The following CDH18 variants were observed in gnomAD, a reference collection of about 807,000 sequenced individuals.
CDH18 encodes the protein cadherin 18, also known as cadherin-18.
Under a neutral mutation model 67.9 loss-of-function variants are expected in CDH18, and 31 were observed. The observed-to-expected ratio is 0.46, with a 90% CI of 0.34 to 0.62. CDH18 has a LOEUF of 0.62. Among genes scored for constraint, CDH18 ranks in the 20% least tolerant of loss-of-function variants. The pLI is 0.01. For missense variants in CDH18, 890 were observed against 975.5 expected (o/e 0.91, Z 1.17); for synonymous variants, 362 against 347.2 (o/e 1.04, Z -0.48).
chr5:20,233,412 T>C (rs1054419549), intron 2 of CDH18, among the ~76,000 whole-genome samples: 6 of 151,872 alleles, frequency 4.0e-5, no homozygotes, highest in African/African-American at 1.4e-4. Flanking sequence ...TATTACTCTG[T>C]CATATATAAT....
intron 2 of CDH18, among the ~76,000 whole-genome samples, chr5:19,978,743 G>A (rs1798737356): frequency 6.6e-6 from 1 of 152,086 alleles, no homozygotes; most frequent in Non-Finnish European, 1.5e-5. Flanking sequence ...AAATCAGACT[G>A]AGTCCTTCTC....
At chr5:20,202,437 T>C (rs549883889) in intron 2 of CDH18, among the ~76,000 whole-genome samples, 1 of 152,212 alleles carries the variant, frequency 6.6e-6, no homozygotes, top group South Asian at 2.1e-4. Flanking sequence ...TAGCTTTGTA[T>C]AGCTTTATAT....
intron 1 of CDH18, among the ~76,000 whole-genome samples, chr5:20,347,501 G>A (rs1174872021): frequency 6.6e-6 from 1 of 152,150 alleles, no homozygotes; most frequent in East Asian, 1.9e-4. Flanking sequence ...ACAGAGAGAG[G>A]CAATATTCAC....
intron 3 of CDH18, among the ~76,000 whole-genome samples, chr5:19,794,182 T>A (rs1258714649): frequency 1.3e-5 from 2 of 152,108 alleles, no homozygotes; most frequent in Non-Finnish European, 2.9e-5. Context: ...TTATGTATCA[T>A]CCTGACTGGG....
In CDH18 at chr5:20,284,614, T is replaced by C. The variant is rs188060928; in HGVS notation, c.-579-29109A>G. 5.5e-3 allele frequency among the ~76,000 whole-genome samples: 832 copies of C among 152,082 alleles called. 5 individuals carry two copies. The highest frequency in any genetic ancestry group is 9.0e-3 in the Non-Finnish European group (613 of 67,884). ...ATCAATAAACTTCTGCAGAAAAAACTGCATTTAATCCTGCACCTAAAACAC... is the reference window on the plus strand; with the variant it reads ...ATCAATAAACTTCTGCAGAAAAAACCGCATTTAATCCTGCACCTAAAACAC... On this transcript the variant is annotated intron_variant, in intron 1 of 14. Coordinates refer to the CDH18 transcript ENST00000507958.
At chr5:19,654,359 T>C (rs1756028876) in intron 5 of CDH18, among the ~76,000 whole-genome samples, 1 of 152,196 alleles carries the variant, frequency 6.6e-6, no homozygotes, top group South Asian at 2.1e-4. Context: ...ATATGTTATA[T>C]GCCAATATAT....
chr5:19,800,616 A>G (rs1316295617), intron 3 of CDH18, among the ~76,000 whole-genome samples: 2 of 152,210 alleles, frequency 1.3e-5, no homozygotes, highest in African/African-American at 2.4e-5. Flanking sequence ...GAACTATAAA[A>G]TTAAAGATAA....
intron 2 of CDH18, among the ~76,000 whole-genome samples, chr5:20,243,831 C>T (rs781762009): frequency 3.0e-4 from 45 of 152,054 alleles, no homozygotes; most frequent in Non-Finnish European, 5.1e-4. Context: ...GGCACTAGCT[C>T]AAGGATTGGC....
intron 8 of CDH18, among the ~76,000 whole-genome samples, chr5:19,556,152 C>T (rs1738368184): frequency 6.6e-6 from 1 of 152,152 alleles, no homozygotes; most frequent in Non-Finnish European, 1.5e-5. Flanking sequence ...TTCCCTCTGA[C>T]ATAGTCTACC....
intron 2 of CDH18, among the ~76,000 whole-genome samples, chr5:19,867,135 C>G (rs1785641924): frequency 6.6e-6 from 1 of 152,080 alleles, no homozygotes; most frequent in African/African-American, 2.4e-5. Flanking sequence ...ACCCACTCAC[C>G]TCCTGCAAAG....
At chr5:20,280,434 C>G (rs1746163677) in intron 1 of CDH18, among the ~76,000 whole-genome samples, 1 of 152,104 alleles carries the variant, frequency 6.6e-6, no homozygotes, top group East Asian at 1.9e-4. Flanking sequence ...GTTCAATTCC[C>G]ACCTATGAGT....
intron 1 of CDH18, among the ~76,000 whole-genome samples, chr5:20,340,075 C>A (rs1357519699): frequency 6.6e-6 from 1 of 152,094 alleles, no homozygotes; most frequent in Admixed American, 6.5e-5. Flanking sequence ...TCACAAAGAA[C>A]CAGGGCCAAG....
At chr5:20,540,233 G>A (rs551658631) in intron 1 of CDH18, among the ~76,000 whole-genome samples, 2 of 152,152 alleles carry the variant, frequency 1.3e-5, no homozygotes, top group African/African-American at 4.8e-5. Context: ...TTACCCTATA[G>A]TTTTGCCTAA....
At chr5:19,720,946 A>C (rs949644949) in intron 5 of CDH18, among the ~76,000 whole-genome samples, 1 of 152,204 alleles carries the variant, frequency 6.6e-6, no homozygotes, top group Non-Finnish European at 1.5e-5. Flanking sequence ...CAATGTAGGA[A>C]AATTTCAAAG....
intron 3 of CDH18, among the ~76,000 whole-genome samples, chr5:19,773,445 C>A (rs1177151053): frequency 6.6e-6 from 1 of 152,066 alleles, no homozygotes; most frequent in East Asian, 1.9e-4. Flanking sequence ...TTACAAGGGG[C>A]AAGCATGGAG....
At chr5:19,775,143 C>T (rs1292535116) in intron 3 of CDH18, among the ~76,000 whole-genome samples, 1 of 152,066 alleles carries the variant, frequency 6.6e-6, no homozygotes, top group Non-Finnish European at 1.5e-5. Flanking sequence ...GGCAATGCAC[C>T]ATACTGGAAA....
At chr5:19,539,778 A>G (rs905902722) in intron 9 of CDH18, among the ~76,000 whole-genome samples, 4 of 152,174 alleles carry the variant, frequency 2.6e-5, no homozygotes, top group South Asian at 2.1e-4. Context: ...ACAGCCTGGA[A>G]AAGACGAGGT....
rs961203102 is a variant in CDH18, at chr5:19,931,479, G to A, written c.-257+49581C>T. 1.8e-4 allele frequency among the ~76,000 whole-genome samples: 28 copies of A among 151,690 alleles called. 1 individual carries two copies. Among genetic ancestry groups the A allele is most frequent in the Admixed American group, 1.7e-3 (26 of 15,168 alleles). On this transcript the variant is annotated intron_variant, in intron 2 of 12. Coordinates refer to ENST00000382275, the MANE Select transcript of CDH18 (RefSeq NM_004934.5). ...TTAAAATTGAGCCCTAAATATTTAG[G>A]GCCATTGCTGTTACTACCTAATAAA...
intron 11 of CDH18, among the ~76,000 whole-genome samples, chr5:19,490,751 T>C (rs996836321): frequency 6.6e-6 from 1 of 151,998 alleles, no homozygotes; most frequent in Non-Finnish European, 1.5e-5. Context: ...TCTACTTCTA[T>C]TTTTTTGCTT....
Sources: allele counts gnomAD v4.1 joint callset (sites outside exome capture counted in the v4.1 genomes callset), GRCh38; gene constraint gnomAD v4.1.1; transcripts MANE v1.5; gene names NCBI Gene and HGNC (gene_info 2026-07-23, HGNC 2026-07-21).